DEPDC1B: variants seen among roughly 807,000 people sequenced by gnomAD.
DEPDC1B encodes the protein DEP domain containing 1B, also known as DEP domain-containing protein 1B.
Under a neutral mutation model 66.5 loss-of-function variants are expected in DEPDC1B, and 51 were observed. The observed-to-expected ratio is 0.77, with a 90% CI of 0.61 to 0.97. The LOEUF is 0.97. DEPDC1B is among the 50% of genes least tolerant of loss of function. DEPDC1B has a pLI of 0.00. For missense variants in DEPDC1B, 552 were observed against 637.1 expected (o/e 0.87, Z 1.44); for synonymous variants, 226 against 223.6 (o/e 1.01, Z -0.10).
chr5:60,604,218 C>CTTTTT (rs869142199), intron 8 of DEPDC1B, among the ~76,000 whole-genome samples: 1,821 of 68,748 alleles, frequency 0.026, 248 homozygotes, highest in African/African-American at 0.062. Context: ...ATTAACTATT[C>CTTTTT]TTTTTTTTTT....
intron 1 of DEPDC1B, among the ~76,000 whole-genome samples, chr5:60,695,681 C>T (rs534352957): frequency 1.8e-4 from 27 of 152,318 alleles, no homozygotes; most frequent in African/African-American, 5.3e-4. Context: ...TCCCACTGAG[C>T]GACTATCTGT....
intron 2 of DEPDC1B, among the ~76,000 whole-genome samples, chr5:60,664,710 T>C (rs1407593611): frequency 1.3e-5 from 2 of 152,180 alleles, no homozygotes; most frequent in Non-Finnish European, 1.5e-5. Context: ...AATGGAATAC[T>C]TGAAAGTAAT....
intron 2 of DEPDC1B, among the ~76,000 whole-genome samples, chr5:60,659,613 C>T (rs557409276): frequency 1.3e-5 from 2 of 152,162 alleles, no homozygotes; most frequent in Non-Finnish European, 2.9e-5. Context: ...GTTGAGATCA[C>T]GGCACAGCCA....
In DEPDC1B at chr5:60,667,565, A is replaced by AT. The variant is rs1344997737; in HGVS notation, c.314+19396_314+19397insA. Among the ~76,000 whole-genome samples, 159 of 145,018 alleles carry AT rather than the reference A, an allele frequency of 1.1e-3. 1 individual carries two copies. The highest frequency in any genetic ancestry group is 2.2e-3 in the African/African-American group (87 of 39,602). On this transcript the variant is annotated intron_variant, in intron 2 of 10. Coordinates refer to ENST00000265036, the MANE Select transcript of DEPDC1B (RefSeq NM_018369.3). ...TAAAAAATGGATATTTTACATATAT[A>AT]AAAAAGTGGATATTTTACATATATA...
Position 60,667,685 on chromosome 5 carries a change from AT to A in DEPDC1B, c.314+19276del, listed in dbSNP as rs1175792886. Reference sequence around the variant, plus strand: ...TATATAATGGATATTTTACATGTATATAATGGATATTTTACATGTATATAAA... The same window carrying A: ...TATATAATGGATATTTTACATGTATAAATGGATATTTTACATGTATATAAA... On this transcript the variant is annotated intron_variant, in intron 2 of 10. Transcript: ENST00000265036. 7.5e-4 allele frequency among the ~76,000 whole-genome samples: 108 copies of A among 143,852 alleles called. 8 individuals carry two copies. Among genetic ancestry groups the A allele is most frequent in the African/African-American group, 2.0e-3 (77 of 38,856 alleles). The allele number at this position is 143,852 out of a possible 152,430, so 94.4% of individuals were successfully genotyped here. A position where few individuals can be genotyped will look rare whatever the true frequency, so the allele number is the denominator to read the frequency against.
At position 60,700,069 on chromosome 5, in the gene DEPDC1B, C is replaced by T. The variant is rs1171154650; in HGVS notation, c.25G>A (p.Gly9Arg). 4 of 1,557,846 alleles carry T rather than the reference C, an allele frequency of 2.6e-6. No individual in the cohort carries two copies. Among genetic ancestry groups the T allele is most frequent in the Non-Finnish European group, 3.5e-6 (4 of 1,152,936 alleles). Residue 9 changes from glycine to arginine, a missense_variant, in exon 1 of 11, where the codon GGG (glycine) becomes AGG (arginine). Coordinates refer to ENST00000265036, the MANE Select transcript of DEPDC1B (RefSeq NM_018369.3). ...ACCAGCCTGGTAGCTCGGTACGGCC[C>T]GGGCCCCACGATGCGATGCTCCATG... The part of the protein sequence containing the change: MEHRIVGP[G>R]PYRATRLWNE...
chr5:60,664,237 C>T (rs1411647958), intron 2 of DEPDC1B, among the ~76,000 whole-genome samples: 1 of 152,192 alleles, frequency 6.6e-6, no homozygotes, highest in Admixed American at 6.5e-5. Context: ...GACCAGCTTG[C>T]AACCCGTGGC....
At position 60,634,675 on chromosome 5, in the gene DEPDC1B, A is replaced by AAAAT. The variant is rs57970296; in HGVS notation, c.898+4071_898+4074dup. On this transcript the variant is annotated intron_variant, in intron 7 of 10. Transcript: ENST00000265036. ...CAACACAGTGAGACTCTGTCTCAAA[A>AAAAT]AAATAAATAAATAAATAAATAAATA... Among the ~76,000 whole-genome samples, 1,289 of 146,540 alleles carry AAAAT rather than the reference A, an allele frequency of 8.8e-3. 10 individuals are homozygous for AAAAT. The highest frequency in any genetic ancestry group is 0.029 in the African/African-American group (1,134 of 39,606).
chr5:60,616,501 G>A lies in DEPDC1B; in HGVS notation c.899-10645C>T, dbSNP rs577900948. ...CAAGAACTACATGATGAATGCACAA[G>A]CCTCAGTTGCTGATTCGATCAAATG... is the stretch of plus-strand genomic sequence containing the variant. On this transcript the variant is annotated intron_variant, in intron 7 of 10. Coordinates refer to ENST00000265036, the MANE Select transcript of DEPDC1B (RefSeq NM_018369.3). 6.6e-5 allele frequency among the ~76,000 whole-genome samples: 10 copies of A among 152,310 alleles called. No individual in the cohort carries two copies. In the East Asian group the frequency reaches 9.7e-4, roughly 15 times the overall value.
intron 2 of DEPDC1B, among the ~76,000 whole-genome samples, chr5:60,677,876 T>C (rs1217998005): frequency 6.6e-6 from 1 of 152,176 alleles, no homozygotes; most frequent in Admixed American, 6.5e-5. Flanking sequence ...CTAACAAGTT[T>C]TGTGCTTTCC....
Position 60,676,085 on chromosome 5 carries a change from G to A in DEPDC1B, c.314+10877C>T, listed in dbSNP as rs548540777. Among the ~76,000 whole-genome samples, 40 of 151,546 alleles carry A rather than the reference G, an allele frequency of 2.6e-4. 2 individuals are homozygous for A. In the South Asian group the frequency reaches 6.7e-3, roughly 25 times the overall value. ...TGGGACTACAGGCACCTGCCACCAC[G>A]CCCAGCTACAATTTTTTTGTATTTT... On this transcript the variant is annotated intron_variant, in intron 2 of 10. Transcript: ENST00000265036.
At chr5:60,622,471 G>T (rs1752726024) in intron 7 of DEPDC1B, among the ~76,000 whole-genome samples, 1 of 152,166 alleles carries the variant, frequency 6.6e-6, no homozygotes, top group Non-Finnish European at 1.5e-5. Flanking sequence ...CATGTAGATT[G>T]TTTCCAATGT....
At chr5:60,688,897 T>C in intron 1 of DEPDC1B, 1 of 400,330 alleles carries the variant, frequency 2.5e-6, no homozygotes, top group South Asian at 1.9e-5. Context: ...GGAATATATA[T>C]CCCATTGCTT....
intron 7 of DEPDC1B, chr5:60,631,084 C>T (rs286154): frequency 0.53 from 80,463 of 152,150 alleles, 21,689 homozygotes; most frequent in Admixed American, 0.59. Context: ...TAACAGAATA[C>T]ACCCTGGGGA....
At chr5:60,633,568 T>A (rs192160423) in intron 7 of DEPDC1B, among the ~76,000 whole-genome samples, 27 of 151,930 alleles carry the variant, frequency 1.8e-4, no homozygotes, top group Admixed American at 6.6e-5. Context: ...CAGAACTGAG[T>A]CACCCCAGCC....
intron 7 of DEPDC1B, among the ~76,000 whole-genome samples, chr5:60,632,302 G>A (rs574966078): frequency 4.3e-4 from 65 of 152,160 alleles, no homozygotes; most frequent in African/African-American, 1.5e-3. Flanking sequence ...ACCCCAAATC[G>A]GCTGCCAGGC....
intron 2 of DEPDC1B, among the ~76,000 whole-genome samples, chr5:60,650,046 T>C (rs1437641490): frequency 6.6e-6 from 1 of 151,968 alleles, no homozygotes; most frequent in East Asian, 1.9e-4. Context: ...AAAATTTTTA[T>C]GAAACATCAT....
chr5:60,611,268 A>C (rs1206035255), intron 7 of DEPDC1B, among the ~76,000 whole-genome samples: 1 of 152,172 alleles, frequency 6.6e-6, no homozygotes, highest in Non-Finnish European at 1.5e-5. Context: ...CTGTGAACTT[A>C]ATCAACCAAT....
chr5:60,636,282 A>T (rs1159894274), intron 7 of DEPDC1B, among the ~76,000 whole-genome samples: 3 of 152,182 alleles, frequency 2.0e-5, no homozygotes, highest in African/African-American at 7.2e-5. Context: ...TCATCTCCAA[A>T]ACTGCCAAGT....
Sources: gnomAD v4.1 joint callset for allele counts (sites outside exome capture counted in the v4.1 genomes callset) on GRCh38, gnomAD v4.1.1 for gene constraint, MANE v1.5 for transcripts, NCBI Gene and HGNC (gene_info 2026-07-23, HGNC 2026-07-21) for gene names.